NUP160: variants seen among roughly 807,000 people sequenced by gnomAD.
NUP160 encodes the protein nucleoporin 160, also known as nuclear pore complex protein Nup160.
Under a neutral mutation model 196.9 loss-of-function variants are expected in NUP160, and 94 were observed. The observed-to-expected ratio is 0.48, with a 90% confidence interval of 0.40 to 0.57. NUP160 has a LOEUF of 0.57. NUP160 is among the 20% of genes least tolerant of loss of function. NUP160 has a pLI of 0.00. For synonymous variants in NUP160, 605 were observed against 619.7 expected (o/e 0.98, Z 0.35); for missense variants, 1,638 against 1,748.3 (o/e 0.94, Z 1.13).
chr11:47,778,893 C>T (rs2097659029), exon 36 of NUP160: 1 of 450,312 alleles, frequency 2.2e-6, no homozygotes, highest in Non-Finnish European at 4.0e-6. Flanking sequence ...CTATTTGAGA[C>T]CAAGGTTGAA....
intron 2 of NUP160, among the ~76,000 whole-genome samples, chr11:47,845,028 A>G (rs1349838009): frequency 6.6e-6 from 1 of 152,198 alleles, no homozygotes; most frequent in Non-Finnish European, 1.5e-5. Context: ...AGGAGTCTAA[A>G]AAGTGGGGGC....
intron 20 of NUP160, among the ~76,000 whole-genome samples, 179 bp from the exon 21 acceptor site, chr11:47,804,797 C>A (rs1185331973): frequency 1.3e-5 from 2 of 152,084 alleles, no homozygotes; most frequent in Non-Finnish European, 2.9e-5. Context: ...TACTTTTATA[C>A]CAGGAGACTT....
chr11:47,780,958 C>T (rs1165491415), intron 34 of NUP160, among the ~76,000 whole-genome samples: 1 of 151,836 alleles, frequency 6.6e-6, no homozygotes, highest in Non-Finnish European at 1.5e-5. Context: ...AAATTCATGT[C>T]GGCTGGGCCT....
chr11:47,822,194 C>T (rs776120374), intron 7 of NUP160, 30 bp from the exon 8 acceptor site: 3 of 1,406,286 alleles, frequency 2.1e-6, no homozygotes, highest in Admixed American at 1.8e-5. Context: ...TCATTTATTA[C>T]CTGAAATAAT....
intron 1 of NUP160, 55 bp downstream of exon 1, chr11:47,848,164 T>C: frequency 1.3e-6 from 2 of 1,590,186 alleles, no homozygotes; most frequent in Non-Finnish European, 1.7e-6. Flanking sequence ...CTGGGACCCA[T>C]GAGAGGAGCC....
At chr11:47,848,303 C>G (rs2305984) in exon 1 of NUP160, 7 of 1,613,836 alleles carry the variant, frequency 4.3e-6, no homozygotes, top group African/African-American at 2.7e-5. Flanking sequence ...CGTTCCAGGG[C>G]TCCCGCCGCC....
exon 36 of NUP160, chr11:47,778,974 A>T: frequency 1.5e-6 from 1 of 681,558 alleles, no homozygotes; most frequent in Non-Finnish European, 2.7e-6. Context: ...TATCTTGTGC[A>T]GAATGCAGAC....
intron 4 of NUP160, chr11:47,839,602 A>G: frequency 2.1e-6 from 1 of 486,078 alleles, no homozygotes; most frequent in Non-Finnish European, 3.7e-6. Flanking sequence ...CATCTCTACT[A>G]CAAGATTTAG....
chr11:47,808,641 T>C, intron 17 of NUP160, 112 bp from the exon 18 acceptor site: 5 of 746,992 alleles, frequency 6.7e-6, no homozygotes, highest in South Asian at 3.4e-5. Flanking sequence ...GTCACAATAC[T>C]GTAAAAGCAA....
At chr11:47,783,349 G>C (rs1181234707) in intron 33 of NUP160, 151 bp from the exon 34 acceptor site, 5 of 1,006,764 alleles carry the variant, frequency 5.0e-6, no homozygotes, top group Non-Finnish European at 6.9e-6. Flanking sequence ...CTTAGGATAA[G>C]AGCTGATAAC....
chr11:47,796,317 TC>T, intron 27 of NUP160: 2 of 701,644 alleles, frequency 2.9e-6, no homozygotes, highest in South Asian at 1.5e-5. Context: ...ATTCCTTAGC[TC>T]CAGGGCTACC....
chr11:47,837,570 T>C (rs776178708), exon 5 of NUP160: 71 of 1,614,028 alleles, frequency 4.4e-5, no homozygotes, highest in Non-Finnish European at 5.8e-5. Context: ...ATCCAGCCTG[T>C]AAGCAATCGT....
At chr11:47,803,670 A>G in intron 21 of NUP160, 134 bp from the exon 22 acceptor site, 1 of 619,220 alleles carries the variant, frequency 1.6e-6, no homozygotes, top group South Asian at 2.0e-5. Flanking sequence ...CATAATTCTG[A>G]TATTAAAACC....
exon 16 of NUP160, chr11:47,812,328 A>C (rs1055851522): frequency 1.9e-6 from 3 of 1,614,058 alleles, no homozygotes; most frequent in Middle Eastern, 1.7e-4. Context: ...TTCCATTTCC[A>C]CTTCTGTTTC....
intron 7 of NUP160, among the ~76,000 whole-genome samples, chr11:47,824,514 G>A (rs979910210): frequency 1.1e-4 from 16 of 151,886 alleles, no homozygotes; most frequent in African/African-American, 3.9e-4. Flanking sequence ...AGAGGCTGAG[G>A]TAGGAGAATG....
intron 2 of NUP160, 138 bp downstream of exon 2, chr11:47,847,710 G>A (rs1300813008): frequency 3.3e-6 from 2 of 614,816 alleles, no homozygotes; most frequent in African/African-American, 1.8e-5. Flanking sequence ...TCCCGATTCT[G>A]ATACGAACTG....
chr11:47,801,726 A>G, intron 23 of NUP160, 85 bp downstream of exon 23: 1 of 1,270,758 alleles, frequency 7.9e-7, no homozygotes, highest in Non-Finnish European at 1.1e-6. Flanking sequence ...TTTTTATAGT[A>G]TTTTTCTCCA....
intron 4 of NUP160, 91 bp from the exon 5 acceptor site, chr11:47,837,714 C>T: frequency 1.1e-6 from 1 of 881,546 alleles, no homozygotes; most frequent in Non-Finnish European, 1.9e-6. Context: ...TTATAATAGG[C>T]AACAGACTTC....
chr11:47,841,019 C>T (rs969638511), intron 2 of NUP160, among the ~76,000 whole-genome samples: 1 of 130,804 alleles, frequency 7.6e-6, no homozygotes, highest in Non-Finnish European at 1.7e-5. Context: ...CACACATATA[C>T]ACACACACAC....
Sources: allele counts gnomAD v4.1 joint callset (sites outside exome capture counted in the v4.1 genomes callset), GRCh38; gene constraint gnomAD v4.1.1; transcripts MANE v1.5; gene names NCBI Gene and HGNC (gene_info 2026-07-23, HGNC 2026-07-21).